VWA8: variants seen among roughly 807,000 people sequenced by gnomAD.
The protein encoded by VWA8 is von Willebrand factor A domain-containing protein 8.
In VWA8, 221 loss-of-function variants were observed where a neutral mutation model predicts 241.5. That is an observed-to-expected ratio of 0.91 (90% CI 0.82 to 1.02). VWA8 has a LOEUF of 1.02. Among genes scored for constraint, VWA8 ranks in the 50% least tolerant of loss-of-function variants. The probability of loss-of-function intolerance (pLI) is 0.00; values close to 1 mark genes in which losing one functional copy is unlikely to be tolerated. For synonymous variants in VWA8, 852 were observed against 827.1 expected, an observed-to-expected ratio of 1.03 and a Z score of -0.52; for missense variants, 2,322 against 2,328.7, an observed-to-expected ratio of 1.00 and a Z score of 0.06.
chr13:41,659,568 G>A (rs2044934602), intron 37 of VWA8, among the ~76,000 whole-genome samples: 1 of 152,232 alleles, frequency 6.6e-6, no homozygotes, highest in African/African-American at 2.4e-5. Flanking sequence ...GTTCACAACT[G>A]GAGTAACTCC....
chr13:41,830,564 C>T lies in VWA8; in HGVS notation c.1665G>A (p.Glu555=), dbSNP rs767035171. ...LREDRYMRLK[E]ELQLSDEQLQ... ...GCTGTTCATCAGACAGTTGCAGCTC[C>T]TCCTTTAAACGCATATACCTGTCTT... is the stretch of plus-strand genomic sequence containing the variant. Residue 555 remains glutamate (E), a synonymous_variant, in exon 14 of 45, where the codon GAG becomes GAA. Coordinates refer to ENST00000379310, the MANE Select transcript of VWA8 (RefSeq NM_015058.2). 3.1e-6 allele frequency: 5 copies of T among 1,613,772 alleles called. No individual in the cohort carries two copies. Among genetic ancestry groups the T allele is most frequent in the Non-Finnish European group, 3.4e-6 (4 of 1,179,886 alleles).
intron 17 of VWA8, among the ~76,000 whole-genome samples, chr13:41,795,973 A>G (rs1269613319): frequency 1.3e-5 from 2 of 152,150 alleles, no homozygotes; most frequent in Admixed American, 6.5e-5. Flanking sequence ...ATAAAGAAAA[A>G]AATAAATAAA....
At chr13:41,912,279 GT>G in intron 2 of VWA8, 111 bp from the exon 3 acceptor site, 1 of 773,192 alleles carries the variant, frequency 1.3e-6, no homozygotes, top group Non-Finnish European at 1.8e-6. Context: ...TAAAATATGT[GT>G]TTATCTGTGT....
chr13:41,734,052 C>T (rs908787669), intron 21 of VWA8, among the ~76,000 whole-genome samples: 1 of 152,098 alleles, frequency 6.6e-6, no homozygotes, highest in Non-Finnish European at 1.5e-5. Flanking sequence ...AGAAATGGTA[C>T]ATTATGGCCG....
chr13:41,878,493 T>C (rs893064468), intron 9 of VWA8, among the ~76,000 whole-genome samples: 6 of 152,028 alleles, frequency 3.9e-5, no homozygotes, highest in Non-Finnish European at 8.8e-5. Context: ...TATACATCAT[T>C]GTGTAATGAT....
At chr13:41,722,310 C>T (rs144005736) in intron 24 of VWA8, among the ~76,000 whole-genome samples, 2 of 151,986 alleles carry the variant, frequency 1.3e-5, no homozygotes, top group Non-Finnish European at 2.9e-5. Flanking sequence ...TGAGAATGTA[C>T]TAGAAAAATA....
intron 36 of VWA8, 22 bp downstream of exon 36, chr13:41,675,193 G>A: frequency 6.3e-7 from 1 of 1,576,612 alleles, no homozygotes; most frequent in Non-Finnish European, 8.7e-7. Flanking sequence ...ACTAAGCTAA[G>A]AACAAAGGTG....
intron 37 of VWA8, among the ~76,000 whole-genome samples, chr13:41,636,942 T>C (rs1294659937): frequency 4.0e-5 from 6 of 151,222 alleles, no homozygotes; most frequent in African/African-American, 1.5e-4. Flanking sequence ...TGTGGAGAAA[T>C]AGGAACACTT....
At chr13:41,631,206 G>C (rs1380303761) in intron 37 of VWA8, among the ~76,000 whole-genome samples, 1 of 152,070 alleles carries the variant, frequency 6.6e-6, no homozygotes, top group Non-Finnish European at 1.5e-5. Flanking sequence ...TTTTTGTAGA[G>C]CTGGGGTTTC....
chr13:41,859,466 G>A (rs573936414), intron 12 of VWA8, among the ~76,000 whole-genome samples: 7 of 152,198 alleles, frequency 4.6e-5, no homozygotes, highest in African/African-American at 7.2e-5. Context: ...ATAAACTTAC[G>A]TGCACTTGAA....
chr13:41,737,457 AG>A (rs1211379317), intron 21 of VWA8, among the ~76,000 whole-genome samples: 2 of 152,238 alleles, frequency 1.3e-5, no homozygotes, highest in African/African-American at 4.8e-5. Flanking sequence ...CCCATACCCT[AG>A]CCCTATCTAT....
At chr13:41,925,248 C>A (rs1485767096) in intron 2 of VWA8, among the ~76,000 whole-genome samples, 1 of 152,142 alleles carries the variant, frequency 6.6e-6, no homozygotes, top group South Asian at 2.1e-4. Context: ...ACCTGCCTTA[C>A]AAGAAATGCT....
intron 29 of VWA8, among the ~76,000 whole-genome samples, chr13:41,695,104 C>T (rs991396018): frequency 6.6e-6 from 1 of 152,132 alleles, no homozygotes; most frequent in African/African-American, 2.4e-5. Context: ...GGCTTTGGCA[C>T]TCCTTTAAGG....
chr13:41,762,054 C>T (rs1028835149), intron 20 of VWA8, among the ~76,000 whole-genome samples: 7 of 152,012 alleles, frequency 4.6e-5, no homozygotes, highest in Non-Finnish European at 1.0e-4. Flanking sequence ...ATCTGAAACC[C>T]AAAATGCTGC....
rs1337100393 is a variant in VWA8 at position 41,690,186 on chromosome 13, G to A, written c.3956C>T (p.Thr1319Ile). ...LYVLKEEPPS[T>I]GFGVTQETEF... ...TTTACCTTGTGTAACTCCAAACCCT[G>A]TGCTGGGCGGCTCCTCTTTCAGCAC... Residue 1319 changes from threonine to isoleucine, a missense_variant, in exon 33 of 45, where the codon ACA becomes ATA. Thr to Ile is a moderately conservative substitution (Grantham distance 89). Coordinates refer to ENST00000379310, the MANE Select transcript of VWA8 (RefSeq NM_015058.2). 3 of 1,612,380 alleles carry A rather than the reference G, an allele frequency of 1.9e-6. No individual in the cohort carries two copies. The highest frequency in any genetic ancestry group is 2.7e-5 in the African/African-American group (2 of 74,802).
At chr13:41,946,987 G>A (rs375278857) in intron 2 of VWA8, among the ~76,000 whole-genome samples, 1 of 152,174 alleles carries the variant, frequency 6.6e-6, no homozygotes. Flanking sequence ...GGTGATGTCT[G>A]ATCACCCCAG....
intron 34 of VWA8, 117 bp from the exon 35 acceptor site, chr13:41,685,359 G>A: frequency 9.8e-7 from 1 of 1,017,334 alleles, no homozygotes; most frequent in Middle Eastern, 2.5e-4. Context: ...ACAGGTATAA[G>A]AAAATCAAAT....
intron 26 of VWA8, among the ~76,000 whole-genome samples, chr13:41,710,757 G>A (rs2045311081): frequency 1.3e-5 from 2 of 152,156 alleles, no homozygotes; most frequent in Admixed American, 1.3e-4. Context: ...TTTAAACAAA[G>A]AATATTTTAT....
intron 34 of VWA8, among the ~76,000 whole-genome samples, chr13:41,686,691 T>C (rs1207943293): frequency 6.6e-6 from 1 of 152,180 alleles, no homozygotes; most frequent in Non-Finnish European, 1.5e-5. Flanking sequence ...TTATCCTTAA[T>C]GTATTTTGTT....
Sources: allele counts gnomAD v4.1 joint callset (sites outside exome capture counted in the v4.1 genomes callset), GRCh38; gene constraint gnomAD v4.1.1; transcripts MANE v1.5; gene names NCBI Gene and HGNC (gene_info 2026-07-23, HGNC 2026-07-21).